The following BAHCC1 variants were observed in gnomAD, a reference collection of about 807,000 sequenced individuals.
BAHCC1 encodes the protein BAH domain and coiled-coil containing 1.
A neutral mutation model predicts 88.2 loss-of-function variants in BAHCC1; 43 were observed. The ratio of observed to expected loss-of-function variants is 0.49; its 90% confidence interval spans 0.38 to 0.63. The LOEUF is 0.63. Ranked by LOEUF, BAHCC1 falls within the 20% of genes least tolerant of loss-of-function variation. The probability of loss-of-function intolerance (pLI) is 0.00; values close to 1 mark genes in which losing one functional copy is unlikely to be tolerated. For missense variants in BAHCC1, 3,023 were observed against 1,654.8 expected (o/e 1.83, Z -14.34); for synonymous variants, 1,510 against 745.5 (o/e 2.03, Z -16.71).
At chr17:81,406,164 C>T (rs1555646836) in intron 2 of BAHCC1, among the ~76,000 whole-genome samples, 1 of 152,220 alleles carries the variant, frequency 6.6e-6, no homozygotes, top group African/African-American at 2.4e-5. Flanking sequence ...CAGGCACTGC[C>T]TTGTTCCCCT....
chr17:81,414,721 C>T (rs934247500), intron 2 of BAHCC1, among the ~76,000 whole-genome samples: 12 of 152,192 alleles, frequency 7.9e-5, no homozygotes, highest in African/African-American at 2.4e-4. Context: ...CAGGAGGGAC[C>T]GAGGTTCCCC....
chr17:81,443,768 C>T (rs781832491), intron 5 of BAHCC1, 41 bp from the exon 6 acceptor site: 14 of 702,284 alleles, frequency 2.0e-5, no homozygotes, highest in South Asian at 4.4e-5. Context: ...GCTCCCTGGC[C>T]GCCCCAACCC....
chr17:81,458,174 G>A lies in BAHCC1; in HGVS notation c.5051G>A (p.Arg1684His), dbSNP rs781864182. The change falls in exon 18 of 28, where the codon CGC (arginine) becomes CAC (histidine). Residue 1684 changes from arginine (R) to histidine (H), a missense_variant. Physicochemically the swap from Arg to His is conservative, Grantham distance 29. Coordinates refer to ENST00000675386, the MANE Select transcript of BAHCC1 (RefSeq NM_001377448.1). ...KERQGLLGAC[R>H]LSSPESEVKI... ...CCTCTCCTTCCCACAGGGGCCTGCC[G>A]CCTGTCCAGCCCTGAGAGTGAGGTC... 1.1e-5 allele frequency: 8 copies of A among 719,332 alleles called. No homozygotes were observed. The highest frequency in any genetic ancestry group is 5.9e-5 in the South Asian group (4 of 67,756). 44.6% of individuals were successfully genotyped at this position (719,332 alleles called of 1,614,324 possible). A position where few individuals can be genotyped will look rare whatever the true frequency, so the allele number is the denominator to read the frequency against.
Position 81,399,991 on chromosome 17 carries a change from C to T in BAHCC1, c.178+74C>T, listed in dbSNP as rs150648447. 0.035 allele frequency: 41,778 copies of T among 1,187,526 alleles called. 864 individuals are homozygous for T. The highest frequency in any genetic ancestry group is 0.069 in the Middle Eastern group (210 of 3,026). 73.6% of individuals were successfully genotyped at this position (1,187,526 alleles called of 1,614,324 possible). ...AACAGGGCGCCCACCCCTCCGCTCC[C>T]GGGAGCAGAGAAGCTTTGGTTTCAT... On this transcript the variant is annotated intron_variant, in intron 2 of 27. Coordinates refer to ENST00000675386, the MANE Select transcript of BAHCC1 (RefSeq NM_001377448.1). The surrounding 1 kb of genome is among the most constrained non-coding windows in gnomAD (Gnocchi z 4.5).
At chr17:81,406,898 T>C (rs1421456656) in intron 2 of BAHCC1, 1 of 456,184 alleles carries the variant, frequency 2.2e-6, no homozygotes, top group Non-Finnish European at 4.4e-6. Context: ...ATGCTGCAGC[T>C]GTCCACACGA....
At position 81,461,392 on chromosome 17, in the gene BAHCC1, C is replaced by A; in HGVS notation, c.6729C>A (p.Ser2243Arg). Residue 2243 changes from serine (S) to arginine (R), a missense_variant, in exon 26 of 28, where the codon AGC (serine) becomes AGA (arginine). Coordinates refer to ENST00000675386, the MANE Select transcript of BAHCC1 (RefSeq NM_001377448.1). ...FSPKLGRPLPSPSYVHPALVG... is the reference protein window; with the variant it reads ...FSPKLGRPLPRPSYVHPALVG... ...CCAAGCTCGGGCGGCCCCTGCCCAG[C>A]CCCAGCTATGTGCACCCGGCCCTTG... The A allele has an allele frequency of 2.8e-6, 2 of 723,262 alleles. No individual in the cohort carries two copies. Among genetic ancestry groups the A allele is most frequent in the Non-Finnish European group, 5.1e-6 (2 of 392,098 alleles). 44.8% of individuals were successfully genotyped at this position (723,262 alleles called of 1,614,324 possible).
intron 2 of BAHCC1, among the ~76,000 whole-genome samples, chr17:81,404,379 G>T (rs2063854558): frequency 6.6e-6 from 1 of 152,240 alleles, no homozygotes; most frequent in Non-Finnish European, 1.5e-5. Context: ...CTTTGCATGA[G>T]TTTAAATTTA....
chr17:81,429,446 C>A (rs890333612), intron 3 of BAHCC1, among the ~76,000 whole-genome samples: 14 of 152,356 alleles, frequency 9.2e-5, no homozygotes, highest in Middle Eastern at 3.4e-3. Context: ...GGAGCTGCCG[C>A]GCTGTGAGCT....
chr17:81,403,764 G>C (rs2063845588), intron 2 of BAHCC1, among the ~76,000 whole-genome samples: 1 of 152,236 alleles, frequency 6.6e-6, no homozygotes, highest in Admixed American at 6.5e-5. Context: ...ATAAGTGACA[G>C]AGTTAGACAT....
intron 3 of BAHCC1, among the ~76,000 whole-genome samples, chr17:81,432,721 C>G (rs1379325666): frequency 2.3e-5 from 1 of 43,806 alleles, no homozygotes; most frequent in East Asian, 5.8e-4. Flanking sequence ...ACCCTCCCCG[C>G]CATCCCCAGA....
chr17:81,445,317 T>C (rs2064503895), intron 9 of BAHCC1, 37 bp from the exon 10 acceptor site: 2 of 750,174 alleles, frequency 2.7e-6, no homozygotes, highest in Non-Finnish European at 4.9e-6. Flanking sequence ...GGTCAGGGGA[T>C]CCTGAGCCTG....
At chr17:81,420,609 G>A (rs1304940724) in intron 2 of BAHCC1, among the ~76,000 whole-genome samples, 3 of 152,252 alleles carry the variant, frequency 2.0e-5, no homozygotes, top group South Asian at 2.1e-4. Flanking sequence ...TCAGCTAGCC[G>A]GCCGCCCAAG....
chr17:81,452,639 TCGAAGGCCAATGCCC>T, intron 13 of BAHCC1, 69 bp from the exon 14 acceptor site: 1 of 600,298 alleles, frequency 1.7e-6, no homozygotes, highest in Non-Finnish European at 3.0e-6. Flanking sequence ...CCAGTAGCCC[TCGAAGGCCAATGCCC>T]TCGGCTGGAA....
chr17:81,456,668 G>GGCCGCCACCA (rs2064755728), intron 16 of BAHCC1, 83 bp downstream of exon 16: 3 of 639,788 alleles, frequency 4.7e-6, no homozygotes, highest in Non-Finnish European at 5.6e-6. Context: ...GCAGGTTCAT[G>GGCCGCCACCA]GCCGCCACCA....
In BAHCC1 at chr17:81,442,055, A is replaced by C; in HGVS notation, c.706A>C (p.Lys236Gln). The C allele has an allele frequency of 1.4e-6, 1 of 717,042 alleles. No individual in the cohort carries two copies. The highest frequency in any genetic ancestry group is 2.6e-6 in the Non-Finnish European group (1 of 384,016). The allele number at this position is 717,042 out of a possible 1,614,324, so 44.4% of individuals were successfully genotyped here. The change falls in exon 5 of 28, where the codon AAG becomes CAG. Residue 236 changes from lysine to glutamine, a missense_variant. Lys to Gln is a moderately conservative substitution (Grantham distance 53). Transcript: ENST00000675386. Reference protein sequence around the residue: ...REKAGKAAEGKERPAAEEDGG... With the variant: ...REKAGKAAEGQERPAAEEDGG... ...GAAGGCGGGCAAGGCCGCTGAGGGC[A>C]AGGAGCGGCCAGCGGCAGAGGAGGA...
chr17:81,456,719 G>C, intron 16 of BAHCC1, 134 bp downstream of exon 16: 1 of 584,206 alleles, frequency 1.7e-6, no homozygotes, highest in Admixed American at 3.2e-5. Flanking sequence ...GGTCCAAGGA[G>C]ACGTTTTCAC....
intron 14 of BAHCC1, among the ~76,000 whole-genome samples, chr17:81,454,116 C>T (rs536566881): frequency 3.9e-4 from 60 of 152,348 alleles, no homozygotes; most frequent in African/African-American, 1.4e-3. Context: ...AGAGGCCAAG[C>T]CCCCAGCCCC....
intron 2 of BAHCC1, among the ~76,000 whole-genome samples, chr17:81,423,128 G>A (rs782308896): frequency 7.9e-5 from 12 of 152,042 alleles, no homozygotes; most frequent in South Asian, 2.1e-4. Context: ...CCCTTGGGCC[G>A]GCTCTTCCTC....
intron 3 of BAHCC1, among the ~76,000 whole-genome samples, chr17:81,436,296 C>A (rs1450678728): frequency 2.6e-5 from 4 of 152,230 alleles, no homozygotes; most frequent in African/African-American, 9.6e-5. Flanking sequence ...GAGGGACACG[C>A]ATAGCTGCCC....
Sources: allele counts gnomAD v4.1 joint callset (sites outside exome capture counted in the v4.1 genomes callset), GRCh38; gene constraint gnomAD v4.1.1; non-coding constraint Gnocchi (gnomAD v3.1); transcripts MANE v1.5; gene names NCBI Gene and HGNC (gene_info 2026-07-23, HGNC 2026-07-21).